The following TSPAN15 variants were observed in gnomAD, a reference collection of about 807,000 sequenced individuals.
TSPAN15 encodes the protein tetraspanin-15.
TSPAN15 carries 20 observed loss-of-function variants against 34.5 expected under a neutral mutation model. That is an observed-to-expected ratio of 0.58 (90% CI 0.41 to 0.84). The LOEUF (loss-of-function observed/expected upper bound fraction) is 0.84. Ranked by LOEUF, TSPAN15 falls within the 40% of genes least tolerant of loss-of-function variation. TSPAN15 has a pLI of 0.00. For missense variants in TSPAN15, 313 were observed against 386.1 expected, an observed-to-expected ratio of 0.81 and a Z score of 1.59; for synonymous variants, 155 against 153.9, an observed-to-expected ratio of 1.01 and a Z score of -0.05.
intron 3 of TSPAN15, chr10:69,494,982 C>A (rs1297230919): frequency 1.6e-6 from 1 of 631,580 alleles, no homozygotes; most frequent in Non-Finnish European, 2.0e-6. Context: ...TTGTCCCAGC[C>A]CTAGCCGAGG....
chr10:69,468,734 G>A (rs550508788), intron 1 of TSPAN15, among the ~76,000 whole-genome samples: 1 of 151,382 alleles, frequency 6.6e-6, no homozygotes, highest in Admixed American at 6.6e-5. Context: ...CCCAGAAAGG[G>A]CATTCTTCCT....
At chr10:69,520,249 A>G in the TSPAN15 span, among the ~76,000 whole-genome samples, 1 of 152,172 alleles carries the variant, frequency 6.6e-6, no homozygotes, top group African/African-American at 2.4e-5. Flanking sequence ...GGCTCCACAC[A>G]AGAATGGAAT....
chr10:69,472,665 C>G (rs574238226), intron 1 of TSPAN15, among the ~76,000 whole-genome samples: 83 of 152,268 alleles, frequency 5.5e-4, no homozygotes, highest in African/African-American at 2.0e-3. Context: ...TGGCTTCTGA[C>G]TTGGGTTTTG....
At chr10:69,533,709 G>A in the TSPAN15 span, among the ~76,000 whole-genome samples, 16 of 152,280 alleles carry the variant, frequency 1.1e-4, no homozygotes, top group African/African-American at 3.4e-4. Context: ...ACCCAAGGAC[G>A]GGTTCATGGG....
chr10:69,494,710 C>T (rs1842040865), intron 3 of TSPAN15: 1 of 985,292 alleles, frequency 1.0e-6, no homozygotes, highest in Admixed American at 6.1e-5. Flanking sequence ...TGTGGTGCCA[C>T]CCCCGGGAAT....
chr10:69,492,489 G>A (rs1190525291), intron 3 of TSPAN15, among the ~76,000 whole-genome samples: 1 of 152,194 alleles, frequency 6.6e-6, no homozygotes, highest in South Asian at 2.1e-4. Flanking sequence ...TCCCTGATGG[G>A]GGTTGGGGGC....
intron 5 of TSPAN15, among the ~76,000 whole-genome samples, chr10:69,499,894 T>G (rs1029471807): frequency 3.9e-5 from 6 of 152,096 alleles, no homozygotes; most frequent in African/African-American, 1.4e-4. Flanking sequence ...ACAGAGTGGC[T>G]GGAGCAGAGG....
chr10:69,477,344 A>C (rs776526232), intron 1 of TSPAN15, among the ~76,000 whole-genome samples: 28 of 152,136 alleles, frequency 1.8e-4, no homozygotes, highest in Admixed American at 5.2e-4. Context: ...CATATTGGGC[A>C]GGCTGGTCTC....
chr10:69,539,517 GAAGAAGAAGAAGAAGA>G, the TSPAN15 span, among the ~76,000 whole-genome samples: 1 of 109,690 alleles, frequency 9.1e-6, no homozygotes, highest in Non-Finnish European at 2.0e-5. Context: ...AGAAGAAGAA[GAAGAAGAAGAAGAAGA>G]AGAAGGAGAA....
the TSPAN15 span, among the ~76,000 whole-genome samples, chr10:69,526,221 G>C: frequency 6.8e-6 from 1 of 147,376 alleles, no homozygotes; most frequent in South Asian, 2.1e-4. Context: ...AAAACTAGAG[G>C]AGTGAATCAT....
At chr10:69,541,708 C>T in the TSPAN15 span, among the ~76,000 whole-genome samples, 1 of 152,272 alleles carries the variant, frequency 6.6e-6, no homozygotes, top group Non-Finnish European at 1.5e-5. Flanking sequence ...AACCTCAATT[C>T]TTGACTTCTG....
intron 2 of TSPAN15, among the ~76,000 whole-genome samples, chr10:69,484,311 G>A (rs999123739): frequency 1.3e-5 from 2 of 152,188 alleles, no homozygotes; most frequent in African/African-American, 4.8e-5. Flanking sequence ...GGTCACTGCC[G>A]GCGTCAGGCC....
chr10:69,534,956 G>C, the TSPAN15 span, among the ~76,000 whole-genome samples: 1 of 152,074 alleles, frequency 6.6e-6, no homozygotes, highest in Non-Finnish European at 1.5e-5. Flanking sequence ...GTGCATTCCA[G>C]GTTGGGTGAC....
Position 69,451,603 on chromosome 10 carries a change from C to T in TSPAN15, c.9C>T (p.Arg3=). 3.3e-6 allele frequency: 5 copies of T among 1,501,264 alleles called. No homozygotes were observed. The highest frequency in any genetic ancestry group is 2.9e-5 in the African/African-American group (2 of 70,026). 93.0% of individuals were successfully genotyped at this position (1,501,264 alleles called of 1,614,324 possible). The change falls in exon 1 of 8, where the codon CGC becomes CGT. Residue 3 remains arginine (R), a synonymous_variant. Coordinates refer to ENST00000373290, the MANE Select transcript of TSPAN15 (RefSeq NM_012339.5). ...CGCGGGGAGCGCCCAGGATGCCGCG[C>T]GGGGACTCGGAGCAGGTGCGCTACT... MP[R]GDSEQVRYCA...
At chr10:69,457,867 A>G (rs1457574193) in intron 1 of TSPAN15, among the ~76,000 whole-genome samples, 2 of 152,232 alleles carry the variant, frequency 1.3e-5, no homozygotes, top group Admixed American at 6.5e-5. Flanking sequence ...TGAACACTCC[A>G]TCAACTAGTC....
the TSPAN15 span, among the ~76,000 whole-genome samples, chr10:69,543,325 C>T: frequency 6.6e-6 from 1 of 152,206 alleles, no homozygotes; most frequent in Non-Finnish European, 1.5e-5. Flanking sequence ...TTTTCAAGTA[C>T]CCCTAATATC....
At chr10:69,511,173 C>G (rs971414072), downstream of TSPAN15, among the ~76,000 whole-genome samples, 3 of 152,178 alleles carry the variant, frequency 2.0e-5, 1 homozygote, top group Admixed American at 1.3e-4. Flanking sequence ...CTTTATACCT[C>G]TGGTAGAATT....
At chr10:69,484,249 G>A (rs1841801676) in intron 2 of TSPAN15, among the ~76,000 whole-genome samples, 1 of 152,224 alleles carries the variant, frequency 6.6e-6, no homozygotes, top group African/African-American at 2.4e-5. Context: ...CCACTGGGCA[G>A]GGTTGGGCAA....
At position 69,485,648 on chromosome 10, in the gene TSPAN15, G is replaced by A. The variant is rs918824199; in HGVS notation, c.357+433G>A. Among the ~76,000 whole-genome samples the A allele has an allele frequency of 4.6e-5, 7 of 152,238 alleles. No individual in the cohort carries two copies. In the South Asian group the frequency reaches 1.0e-3, roughly 23 times the overall value. The stretch of plus-strand genomic sequence containing the variant: ...GGAGCTTGGAGTTTTTTCTAGAGGT[G>A]ACAGGAGCCTTTGGAGAGTCTTATG... On this transcript the variant is annotated intron_variant, in intron 3 of 7. Transcript: ENST00000373290.
Sources: allele counts gnomAD v4.1 joint callset (sites outside exome capture counted in the v4.1 genomes callset), GRCh38; gene constraint gnomAD v4.1.1; transcripts MANE v1.5; gene names NCBI Gene and HGNC (gene_info 2026-07-23, HGNC 2026-07-21).